Variants in TSPAN8 observed in about 807,000 individuals in gnomAD.
TSPAN8 encodes tetraspanin-8.
TSPAN8 carries 21 observed loss-of-function variants against 32.8 expected under a neutral mutation model. That is an observed-to-expected ratio of 0.64 (90% CI 0.45 to 0.92). The LOEUF (loss-of-function observed/expected upper bound fraction) is 0.92. Ranked by LOEUF, TSPAN8 falls within the 40% of genes least tolerant of loss-of-function variation. The probability of loss-of-function intolerance (pLI) is 0.00; values close to 1 mark genes in which losing one functional copy is unlikely to be tolerated. For missense variants in TSPAN8, 269 were observed against 281.9 expected (o/e 0.95, Z 0.33); for synonymous variants, 95 against 94.6 (o/e 1.00, Z -0.03).
In TSPAN8 at chr12:71,157,741, C is replaced by A; in HGVS notation, c.-63G>T. ...AACTATTCGTTACAGGCTTGTCCTGCAATATGCTCTGGAGCAACTTGCCTG... is the reference window on the plus strand; with the variant it reads ...AACTATTCGTTACAGGCTTGTCCTGAAATATGCTCTGGAGCAACTTGCCTG... On this transcript the variant is annotated 5_prime_UTR_variant, in exon 2 of 9. Coordinates refer to ENST00000247829, the MANE Select transcript of TSPAN8 (RefSeq NM_004616.3). 7.4e-7 allele frequency: 1 copy of A among 1,342,536 alleles called. No individual in the cohort carries two copies. The highest frequency in any genetic ancestry group is 1.1e-6 in the Non-Finnish European group (1 of 935,200). The allele number at this position is 1,342,536 out of a possible 1,614,324, so 83.2% of individuals were successfully genotyped here. A position where few individuals can be genotyped will look rare whatever the true frequency, so the allele number is the denominator to read the frequency against.
rs1308502884 is a variant in TSPAN8, at chr12:71,142,480, C to T, written c.123+1671G>A. Among the ~76,000 whole-genome samples the T allele has an allele frequency of 2.0e-5, 3 of 152,142 alleles. No individual in the cohort carries two copies. In the East Asian group the frequency reaches 5.8e-4, roughly 29 times the overall value. On this transcript the variant is annotated intron_variant, in intron 3 of 8. Transcript: ENST00000247829. ...AGGCTACACACACATCTTGAAGAGG[C>T]CACAGCACCCTGTAAGTAGGTGACT...
chr12:71,144,852 C>G (rs1047620513), intron 2 of TSPAN8, among the ~76,000 whole-genome samples: 3 of 152,046 alleles, frequency 2.0e-5, no homozygotes, highest in Non-Finnish European at 4.4e-5. Flanking sequence ...GTCTTAAATT[C>G]CTTTAATGAT....
intron 3 of TSPAN8, among the ~76,000 whole-genome samples, chr12:71,140,729 C>T (rs1437506492): frequency 2.6e-5 from 4 of 152,162 alleles, no homozygotes; most frequent in Admixed American, 6.5e-5. Context: ...CTCTTGTCCT[C>T]GATAAGTGGA....
At chr12:71,130,633 A>T (rs1015679505) in intron 7 of TSPAN8, among the ~76,000 whole-genome samples, 5 of 126,810 alleles carry the variant, frequency 3.9e-5, no homozygotes, top group Non-Finnish European at 9.2e-5. Context: ...CAGAAGGCTA[A>T]GTCATCTTTC....
intron 6 of TSPAN8, among the ~76,000 whole-genome samples, chr12:71,133,954 C>G (rs757936629): frequency 4.6e-5 from 7 of 152,220 alleles, no homozygotes; most frequent in Non-Finnish European, 1.0e-4. Flanking sequence ...GTTTTCCCAG[C>G]TCTGATACAT....
At chr12:71,145,589 T>C (rs916989229) in intron 2 of TSPAN8, among the ~76,000 whole-genome samples, 4 of 152,198 alleles carry the variant, frequency 2.6e-5, no homozygotes, top group African/African-American at 9.6e-5. Context: ...CTGAGATTTA[T>C]AGCATCCTTT....
chr12:71,157,381 A>T, intron 2 of TSPAN8: 1 of 417,492 alleles, frequency 2.4e-6, no homozygotes, highest in Middle Eastern at 6.8e-4. Context: ...TTGCAGCAAT[A>T]TGAAAACATT....
intron 6 of TSPAN8, among the ~76,000 whole-genome samples, chr12:71,134,337 G>GA (rs1435939072): frequency 2.0e-5 from 3 of 152,042 alleles, no homozygotes; most frequent in South Asian, 4.1e-4. Flanking sequence ...TGAATAAATA[G>GA]AAAAAAATAT....
intron 2 of TSPAN8, among the ~76,000 whole-genome samples, chr12:71,151,326 GTGCTGGGAT>G (rs1471495882): frequency 6.6e-6 from 1 of 152,190 alleles, no homozygotes; most frequent in African/African-American, 2.4e-5. Flanking sequence ...GCCTCCCAAA[GTGCTGGGAT>G]TACAGGCATG....
chr12:71,157,342 G>A lies in TSPAN8; in HGVS notation c.60+277C>T, dbSNP rs112884616. 1,561 of 347,516 alleles carry A rather than the reference G, an allele frequency of 4.5e-3. 21 individuals carry two copies. The highest frequency in any genetic ancestry group is 0.028 in the African/African-American group (1,362 of 47,924). 21.5% of individuals were successfully genotyped at this position (347,516 alleles called of 1,614,324 possible). On this transcript the variant is annotated intron_variant, in intron 2 of 8. Transcript: ENST00000247829. ...TAAGGAAAATTGTCCTTTAATTAAG[G>A]GGCATTTGTGTTCCTCTGTGATTTT...
intron 3 of TSPAN8, among the ~76,000 whole-genome samples, chr12:71,142,025 T>C (rs1421857978): frequency 2.0e-5 from 3 of 152,206 alleles, no homozygotes; most frequent in Non-Finnish European, 1.5e-5. Context: ...GTCATTTCCC[T>C]GACATCCTTC....
Position 71,138,241 on chromosome 12 carries a change from G to T in TSPAN8, c.262-11C>A, listed in dbSNP as rs1216147562. 1.2e-6 allele frequency: 2 copies of T among 1,612,146 alleles called. No individual in the cohort carries two copies. The highest frequency in any genetic ancestry group is 2.2e-5 in the South Asian group (2 of 90,942). On this transcript the variant is annotated splice_polypyrimidine_tract_variant and intron_variant, in intron 4 of 8. Transcript: ENST00000247829. Reference sequence around the variant, plus strand: ...CAAGCCTATGAAAAACTGAAGAAGAGAAAAAGAAATATACATTATCCTCAG... The same window carrying T: ...CAAGCCTATGAAAAACTGAAGAAGATAAAAAGAAATATACATTATCCTCAG...
chr12:71,142,901 C>A (rs1871951421), intron 3 of TSPAN8, among the ~76,000 whole-genome samples: 1 of 151,744 alleles, frequency 6.6e-6, no homozygotes, highest in South Asian at 2.1e-4. Context: ...AAAAGCCACC[C>A]ACTGCAGCGA....
intron 2 of TSPAN8, among the ~76,000 whole-genome samples, chr12:71,155,879 G>T (rs761289138): frequency 6.6e-6 from 1 of 151,760 alleles, no homozygotes; most frequent in African/African-American, 2.4e-5. Flanking sequence ...CTACAGGGGC[G>T]TGCCACCATG....
chr12:71,139,311 C>G (rs1156573463), intron 4 of TSPAN8: 11 of 453,100 alleles, frequency 2.4e-5, no homozygotes, highest in African/African-American at 2.2e-4. Context: ...TTCACTTCTG[C>G]CCTGGTTTGA....
At position 71,144,280 on chromosome 12, in the gene TSPAN8, C is replaced by T. The variant is rs918557840; in HGVS notation, c.61-67G>A. The T allele has an allele frequency of 1.3e-5, 19 of 1,421,730 alleles. No homozygotes were observed. The Admixed American group carries it at 2.8e-4, about 21-fold the overall frequency. 88.1% of individuals were successfully genotyped at this position (1,421,730 alleles called of 1,614,324 possible). A position where few individuals can be genotyped will look rare whatever the true frequency, so the allele number is the denominator to read the frequency against. On this transcript the variant is annotated intron_variant, in intron 2 of 8. Coordinates refer to ENST00000247829, the MANE Select transcript of TSPAN8 (RefSeq NM_004616.3). ...TCATATGAAACTCTATTTCCACACC[C>T]TCCTATCTATCCGGTGACAGTAGTT...
In TSPAN8 at chr12:71,138,021, T is replaced by G. The variant is rs976757180; in HGVS notation, c.376A>C (p.Lys126Gln). Reference protein sequence around the residue: ...IVNETLYENTKLLSATGESEK... With the variant: ...IVNETLYENTQLLSATGESEK... ...CTTTCCCCTGTGGCGCTCAAAAGCT[T>G]TGTGTTTTCATAGAGAGTTTCATTC... The change falls in exon 6 of 9, where the codon AAG (lysine) becomes CAG (glutamine). Residue 126 changes from lysine to glutamine, a missense_variant. Transcript: ENST00000247829. 3.7e-6 allele frequency: 6 copies of G among 1,613,966 alleles called. No individual in the cohort carries two copies. The highest frequency in any genetic ancestry group is 4.2e-6 in the Non-Finnish European group (5 of 1,180,020).
intron 2 of TSPAN8, among the ~76,000 whole-genome samples, chr12:71,155,900 T>G (rs1872411840): frequency 1.3e-5 from 2 of 151,796 alleles, no homozygotes; most frequent in Non-Finnish European, 2.9e-5. Flanking sequence ...CCCGGCTAAT[T>G]TTTCATATTT....
intron 8 of TSPAN8, among the ~76,000 whole-genome samples, chr12:71,127,327 C>G (rs1218140108): frequency 6.6e-6 from 1 of 151,734 alleles, no homozygotes; most frequent in East Asian, 1.9e-4. Flanking sequence ...TGTCAGAAGA[C>G]TTTTCCAATC....
Sources: gnomAD v4.1 joint callset for allele counts (sites outside exome capture counted in the v4.1 genomes callset) on GRCh38, gnomAD v4.1.1 for gene constraint, MANE v1.5 for transcripts, NCBI Gene and HGNC (gene_info 2026-07-23, HGNC 2026-07-21) for gene names.